STPG1: variants seen among roughly 807,000 people sequenced by gnomAD.
STPG1 encodes the protein sperm tail PG-rich repeat containing 1.
A neutral mutation model predicts 40.1 loss-of-function variants in STPG1; 33 were observed. That is an observed-to-expected ratio of 0.82 (90% CI 0.62 to 1.10). The LOEUF is 1.10. STPG1 is among the 50% of genes least tolerant of loss of function. The pLI, the probability that STPG1 is intolerant of heterozygous loss-of-function variation, is 0.00. For synonymous variants in STPG1, 150 were observed against 155.0 expected (o/e 0.97, Z 0.24); for missense variants, 396 against 415.1 (o/e 0.95, Z 0.40).
rs1557439905 is a variant in STPG1, at chr1:24,373,780, T to C, written c.493A>G (p.Asn165Asp). The change falls in exon 6 of 9, where the codon AAC (asparagine) becomes GAC (aspartate). Residue 165 changes from asparagine to aspartate, a missense_variant. Asn to Asp is a conservative substitution (Grantham distance 23). Transcript: ENST00000337248. The part of the protein sequence containing the change: ...ASVSCCKQRN[N>D]VCTRAGFMSK... ...ATAAACCCGGCTCGAGTACAGACGT[T>C]GTTTCTCTGCTTGCAGCAAGAGACA... The C allele has an allele frequency of 3.7e-6, 6 of 1,610,242 alleles. No individual in the cohort carries two copies. The South Asian group carries it at 4.4e-5, about 12-fold the overall frequency.
chr1:24,401,875 T>C (rs12739964), intron 1 of STPG1, among the ~76,000 whole-genome samples: 26,713 of 151,876 alleles, frequency 0.18, 3,220 homozygotes, highest in African/African-American at 0.35. Flanking sequence ...TTAGCAGAGA[T>C]GGGGTTTCAC....
At position 24,360,400 on chromosome 1, in the gene STPG1, C is replaced by T. The variant is rs58451075; in HGVS notation, c.928+451G>A. Among the ~76,000 whole-genome samples, 659 of 152,240 alleles carry T rather than the reference C, an allele frequency of 4.3e-3. 9 individuals carry two copies. The highest frequency in any genetic ancestry group is 0.015 in the African/African-American group (633 of 41,536). On this transcript the variant is annotated intron_variant, in intron 8 of 8. Coordinates refer to ENST00000337248, the MANE Select transcript of STPG1 (RefSeq NM_001199013.2). The stretch of plus-strand genomic sequence containing the variant: ...GGAGGCGGAAGTTGTGAGCCAAGAC[C>T]GCACTACTGCACTCCAGCCTGGGCG...
chr1:24,372,075 G>A (rs1641774726), intron 6 of STPG1, among the ~76,000 whole-genome samples: 1 of 152,238 alleles, frequency 6.6e-6, no homozygotes. Context: ...CTACTTGGGA[G>A]GCTGAGGCAG....
intron 7 of STPG1, among the ~76,000 whole-genome samples, chr1:24,362,382 G>T (rs186716956): frequency 6.6e-6 from 1 of 152,196 alleles, no homozygotes; most frequent in Non-Finnish European, 1.5e-5. Context: ...GCATGATGGC[G>T]GAGGGGACTG....
At chr1:24,363,424 C>T (rs1463826354) in intron 7 of STPG1, among the ~76,000 whole-genome samples, 2 of 152,276 alleles carry the variant, frequency 1.3e-5, no homozygotes, top group South Asian at 2.1e-4. Context: ...CTTGACAATC[C>T]GCTGCCAGCA....
intron 5 of STPG1, among the ~76,000 whole-genome samples, chr1:24,374,516 C>T (rs1025028822): frequency 5.9e-5 from 9 of 152,122 alleles, no homozygotes; most frequent in African/African-American, 2.2e-4. Flanking sequence ...GCCTCGGCCT[C>T]CCAAAGTGCT....
intron 7 of STPG1, among the ~76,000 whole-genome samples, chr1:24,367,117 G>A (rs1203395758): frequency 6.6e-6 from 1 of 152,202 alleles, no homozygotes; most frequent in African/African-American, 2.4e-5. Context: ...CACCCCTGGG[G>A]CCACCTAACC....
At chr1:24,396,738 A>G (rs1345526285) in intron 2 of STPG1, among the ~76,000 whole-genome samples, 1 of 152,206 alleles carries the variant, frequency 6.6e-6, no homozygotes, top group Non-Finnish European at 1.5e-5. Context: ...ATAAAATTGA[A>G]GCATTAAAAA....
intron 3 of STPG1, among the ~76,000 whole-genome samples, chr1:24,390,019 G>T (rs1642692678): frequency 6.6e-6 from 1 of 152,180 alleles, no homozygotes; most frequent in Admixed American, 6.5e-5. Context: ...GGGCACCAGG[G>T]CTGGCCAAGG....
intron 2 of STPG1, among the ~76,000 whole-genome samples, chr1:24,396,105 C>A (rs1372884304): frequency 7.9e-5 from 12 of 152,038 alleles, no homozygotes. Context: ...TAAAAATATA[C>A]TGTTTTAAGG....
chr1:24,413,014 A>G (rs1461088835), intron 1 of STPG1, among the ~76,000 whole-genome samples: 3 of 152,224 alleles, frequency 2.0e-5, no homozygotes, highest in Non-Finnish European at 4.4e-5. Flanking sequence ...GTTACTTTAG[A>G]TAGAATTTTT....
intron 8 of STPG1, among the ~76,000 whole-genome samples, chr1:24,360,606 C>A (rs1044864548): frequency 1.3e-5 from 2 of 152,192 alleles, no homozygotes; most frequent in African/African-American, 4.8e-5. Context: ...ATCTTTGAAT[C>A]TTTTAGATGT....
In STPG1 at chr1:24,359,689, G is replaced by C. The variant is rs1553119461; in HGVS notation, c.929-1070C>G. 2.0e-5 allele frequency among the ~76,000 whole-genome samples: 3 copies of C among 152,192 alleles called. No homozygotes were observed. The highest frequency in any genetic ancestry group is 6.5e-5 in the Admixed American group (1 of 15,280). ...GAGCATCGTCAACACTCACAGAAAG[G>C]CTGGGTGTAACCAAGCTGGCAGTCA... On this transcript the variant is annotated intron_variant, in intron 8 of 8. Transcript: ENST00000337248. This position sits in a 1 kb window ranked among gnomAD's most constrained non-coding sequence, Gnocchi z 5.3.
chr1:24,414,335 C>T (rs539124188), upstream of STPG1: 1 of 151,658 alleles, frequency 6.6e-6, no homozygotes, highest in Non-Finnish European at 1.5e-5. Context: ...CGTGAGCCAC[C>T]ACGCCCGGCC....
intron 4 of STPG1, among the ~76,000 whole-genome samples, chr1:24,381,159 T>A (rs1441355722): frequency 6.6e-6 from 1 of 152,090 alleles, no homozygotes; most frequent in African/African-American, 2.4e-5. Context: ...ATGACATGGA[T>A]CAGAGAGCCC....
intron 7 of STPG1, 125 bp from the exon 8 acceptor site, chr1:24,361,166 G>C: frequency 1.2e-6 from 1 of 808,338 alleles, no homozygotes; most frequent in Non-Finnish European, 1.9e-6. Flanking sequence ...ACGGCACTGG[G>C]GCAGAGCCCT....
chr1:24,391,752 T>C (rs1224211396), intron 2 of STPG1, 73 bp from the exon 3 acceptor site: 1 of 1,260,662 alleles, frequency 7.9e-7, no homozygotes. Flanking sequence ...AACACAAAGG[T>C]GTATATTAAA....
intron 4 of STPG1, among the ~76,000 whole-genome samples, chr1:24,380,122 C>A (rs1249685781): frequency 2.6e-5 from 4 of 152,156 alleles, no homozygotes; most frequent in Non-Finnish European, 5.9e-5. Context: ...GGCCACTTAC[C>A]CTTGACTCAT....
intron 1 of STPG1, among the ~76,000 whole-genome samples, chr1:24,408,557 C>CT (rs886747293): frequency 2.3e-4 from 35 of 152,108 alleles, no homozygotes; most frequent in African/African-American, 8.5e-4. Flanking sequence ...TTTGGATTTC[C>CT]TACAATATGG....
Sources: gnomAD v4.1 joint callset for allele counts (sites outside exome capture counted in the v4.1 genomes callset) on GRCh38, gnomAD v4.1.1 for gene constraint, Gnocchi (gnomAD v3.1) non-coding constraint, MANE v1.5 for transcripts, NCBI Gene and HGNC (gene_info 2026-07-23, HGNC 2026-07-21) for gene names.